The following ACAD11 variants were observed in gnomAD, a reference collection of about 807,000 sequenced individuals.
ACAD11 encodes acyl-CoA dehydrogenase family member 11, also known as acyl-Coenzyme A dehydrogenase family, member 11.
In ACAD11, 83 loss-of-function variants were observed where a neutral mutation model predicts 102.2. The ratio of observed to expected loss-of-function variants is 0.81; its 90% CI spans 0.68 to 0.97. ACAD11 has a LOEUF of 0.97. Among genes scored for constraint, ACAD11 ranks in the 50% least tolerant of loss-of-function variants. ACAD11 has a pLI of 0.00. For missense variants in ACAD11, 901 were observed against 951.7 expected, an observed-to-expected ratio of 0.95 and a Z score of 0.70; for synonymous variants, 324 against 319.8, an observed-to-expected ratio of 1.01 and a Z score of -0.14.
intron 9 of ACAD11, among the ~76,000 whole-genome samples, chr3:132,624,537 G>A (rs1411440208): frequency 1.4e-4 from 21 of 150,584 alleles, no homozygotes; most frequent in East Asian, 1.0e-3. Context: ...CCCAGGAGGC[G>A]GAGGTTGCAG....
intron 11 of ACAD11, among the ~76,000 whole-genome samples, chr3:132,606,964 C>CTTGTGATA (rs1184758426): frequency 1.3e-5 from 2 of 152,206 alleles, no homozygotes; most frequent in African/African-American, 2.4e-5. Context: ...GTTCTGCAGC[C>CTTGTGATA]TCCACTTGTG....
intron 17 of ACAD11, among the ~76,000 whole-genome samples, chr3:132,572,279 C>G (rs1937402104): frequency 6.6e-6 from 1 of 151,754 alleles, no homozygotes; most frequent in Non-Finnish European, 1.5e-5. Flanking sequence ...ATCGGGAATG[C>G]AATCCCATTC....
At chr3:132,623,525 A>AT (rs1301516674) in intron 9 of ACAD11, among the ~76,000 whole-genome samples, 1 of 151,222 alleles carries the variant, frequency 6.6e-6, no homozygotes, top group Non-Finnish European at 1.5e-5. Flanking sequence ...TTTTTTTTCA[A>AT]TTTTTTTAAA....
At chr3:132,581,618 T>C (rs1370592743) in intron 13 of ACAD11, among the ~76,000 whole-genome samples, 1 of 151,766 alleles carries the variant, frequency 6.6e-6, no homozygotes, top group Non-Finnish European at 1.5e-5. Flanking sequence ...AAGCAAATAA[T>C]GCAAATAAAG....
intron 15 of ACAD11, 92 bp from the exon 16 acceptor site, chr3:132,577,107 A>AAC (rs1937535027): frequency 1.2e-5 from 10 of 813,052 alleles, no homozygotes; most frequent in Non-Finnish European, 2.0e-5. Context: ...TACTTGAAGA[A>AAC]AATAGGATTT....
chr3:132,597,523 G>A (rs559297960), intron 13 of ACAD11, among the ~76,000 whole-genome samples: 74 of 151,272 alleles, frequency 4.9e-4, no homozygotes, highest in Middle Eastern at 3.5e-3. Flanking sequence ...AAGAAAATAC[G>A]ATTTTAAATG....
At chr3:132,600,350 T>A (rs1938512796) in intron 13 of ACAD11, 6 of 1,473,966 alleles carry the variant, frequency 4.1e-6, no homozygotes, top group Non-Finnish European at 5.4e-6. Context: ...TTAAGCATAT[T>A]TAGACAAATA....
At chr3:132,650,897 T>C (rs1940905271) in intron 1 of ACAD11, among the ~76,000 whole-genome samples, 1 of 152,194 alleles carries the variant, frequency 6.6e-6, no homozygotes, top group African/African-American at 2.4e-5. Flanking sequence ...CATAAGGCTC[T>C]GCACATTCCC....
chr3:132,581,393 G>C (rs1203197327), intron 13 of ACAD11, among the ~76,000 whole-genome samples: 1 of 151,916 alleles, frequency 6.6e-6, no homozygotes, highest in African/African-American at 2.4e-5. Context: ...TCAAGAGAAA[G>C]GAAGTCTTAG....
intron 2 of ACAD11, among the ~76,000 whole-genome samples, 173 bp from the exon 3 acceptor site, chr3:132,642,975 C>T (rs1940581599): frequency 6.6e-6 from 1 of 152,078 alleles, no homozygotes; most frequent in Admixed American, 6.5e-5. Context: ...GGTGTAATCA[C>T]TATGATTATA....
In ACAD11 at chr3:132,626,717, T is replaced by A; in HGVS notation, c.1171A>T (p.Lys391Ter). The A allele has an allele frequency of 6.2e-7, 1 of 1,613,802 alleles. No homozygotes were observed. Among genetic ancestry groups the A allele is most frequent in the Admixed American group, 1.7e-5 (1 of 60,016 alleles). The part of the protein sequence containing the change: ...EVLIKVKHFM[K>*]QHILPAEKEV... ...TTTTCAGCTGGAAGAATGTGTTGTT[T>A]CATGAAATGCTTCACCTTAATAAGA... Residue 391 changes from lysine (K) to a stop codon, truncating the protein, a stop_gained, in exon 9 of 20, where the codon AAA becomes TAA. Coordinates refer to ENST00000264990, the MANE Select transcript of ACAD11 (RefSeq NM_032169.5). LOFTEE classifies it high-confidence loss of function.
At chr3:132,582,806 A>T (rs145017972) in intron 13 of ACAD11, among the ~76,000 whole-genome samples, 1 of 152,238 alleles carries the variant, frequency 6.6e-6, no homozygotes, top group Non-Finnish European at 1.5e-5. Context: ...GAGACACCTT[A>T]AACCGACTTA....
intron 9 of ACAD11, among the ~76,000 whole-genome samples, chr3:132,625,605 A>AT (rs200444778): frequency 0.014 from 2,146 of 152,266 alleles, 49 homozygotes; most frequent in African/African-American, 0.049. Flanking sequence ...TTTAAGTAGT[A>AT]TTTTTTAAAG....
At chr3:132,619,909 CT>C (rs1939547246) in intron 9 of ACAD11, among the ~76,000 whole-genome samples, 1 of 152,156 alleles carries the variant, frequency 6.6e-6, no homozygotes, top group Non-Finnish European at 1.5e-5. Flanking sequence ...GAGAAAATTC[CT>C]TGGAGGCCAG....
intron 12 of ACAD11, 86 bp downstream of exon 12, chr3:132,605,012 G>A: frequency 9.8e-7 from 1 of 1,019,760 alleles, no homozygotes. Flanking sequence ...CTGAAACACA[G>A]AACCACATCC....
At chr3:132,643,023 T>C (rs1940583512) in intron 2 of ACAD11, among the ~76,000 whole-genome samples, 1 of 152,196 alleles carries the variant, frequency 6.6e-6, no homozygotes, top group Admixed American at 6.5e-5. Context: ...TTAATTAGGA[T>C]AAGAAGATGA....
chr3:132,581,486 A>G (rs1937596915), intron 13 of ACAD11, among the ~76,000 whole-genome samples: 2 of 151,990 alleles, frequency 1.3e-5, no homozygotes, highest in African/African-American at 4.8e-5. Flanking sequence ...AAGGGTAATC[A>G]GTCCAGATTG....
intron 13 of ACAD11, 29 bp downstream of exon 13, chr3:132,603,200 T>C (rs777967667): frequency 6.6e-7 from 1 of 1,524,662 alleles, no homozygotes; most frequent in East Asian, 2.3e-5. Context: ...ATCAGTGTGT[T>C]AGGTGAAAAA....
chr3:132,610,173 T>C (rs991058596), intron 11 of ACAD11, among the ~76,000 whole-genome samples: 1 of 152,146 alleles, frequency 6.6e-6, no homozygotes, highest in Non-Finnish European at 1.5e-5. Flanking sequence ...AATATCATAC[T>C]GAATGGACCA....
Sources: gnomAD v4.1 joint callset for allele counts (sites outside exome capture counted in the v4.1 genomes callset) on GRCh38, gnomAD v4.1.1 for gene constraint, MANE v1.5 for transcripts, NCBI Gene and HGNC (gene_info 2026-07-23, HGNC 2026-07-21) for gene names.